GAK: variants seen among roughly 807,000 people sequenced by gnomAD.
GAK encodes cyclin-G-associated kinase.
In GAK, 79 loss-of-function variants were observed where a neutral mutation model predicts 143.9. That is an observed-to-expected ratio of 0.55 (90% CI 0.46 to 0.66). The LOEUF (loss-of-function observed/expected upper bound fraction) is 0.66, where lower values mean the gene tolerates loss of function less well. GAK is among the 30% of genes least tolerant of loss of function. GAK has a pLI of 0.00. For synonymous variants in GAK, 881 were observed against 765.5 expected (o/e 1.15, Z -2.49); for missense variants, 1,693 against 1,779.7 (o/e 0.95, Z 0.88).
intron 7 of GAK, among the ~76,000 whole-genome samples, chr4:896,009 C>T (rs1002702028): frequency 4.6e-5 from 7 of 152,214 alleles, no homozygotes; most frequent in Admixed American, 1.3e-4. Context: ...AGCCTGTAAT[C>T]GCAGCACTTT....
chr4:909,207 A>G (rs2152927947), intron 4 of GAK, among the ~76,000 whole-genome samples: 1 of 152,366 alleles, frequency 6.6e-6, no homozygotes, highest in East Asian at 1.9e-4. Context: ...GAAAACTGAC[A>G]AGTAACACCA....
chr4:883,199 G>C, intron 13 of GAK, 116 bp downstream of exon 13: 1 of 1,231,922 alleles, frequency 8.1e-7, no homozygotes, highest in African/African-American at 1.5e-5. Flanking sequence ...CCCCTCAGGA[G>C]ACCTCCGGCC....
Position 932,061 on chromosome 4 carries a change from G to A in GAK, c.127C>T (p.Arg43Trp). 6.3e-7 allele frequency: 1 copy of A among 1,599,910 alleles called. No individual in the cohort carries two copies. Among genetic ancestry groups the A allele is most frequent in the Non-Finnish European group, 8.5e-7 (1 of 1,174,544 alleles). The change falls in exon 1 of 28, where the codon CGG becomes TGG. Residue 43 changes from arginine to tryptophan, a missense_variant. Arg to Trp is a moderately radical substitution (Grantham distance 101). Transcript: ENST00000314167. The surrounding 1 kb of genome is among the most constrained non-coding windows in gnomAD (Gnocchi z 4.0). Reference protein sequence around the residue: ...VELGELRLRVRRVLAEGGFAF... With the variant: ...VELGELRLRVWRVLAEGGFAF... ...GCCTCACCTTCGGCCAGGACCCGCC[G>A]CACCCGCAGCCGCAGCTCGCCCAGT...
At chr4:865,803 G>A (rs936069079) in intron 22 of GAK, among the ~76,000 whole-genome samples, 10 of 152,368 alleles carry the variant, frequency 6.6e-5, no homozygotes, top group African/African-American at 1.9e-4. Flanking sequence ...CCTCAGGAGA[G>A]AGAACCCAGG....
Position 893,498 on chromosome 4 carries a change from G to A in GAK, c.878-9C>T, listed in dbSNP as rs375781413. 56 of 1,554,056 alleles carry A rather than the reference G, an allele frequency of 3.6e-5. No individual in the cohort carries two copies. In the African/African-American group the frequency reaches 3.7e-4, roughly 10 times the overall value. The stretch of plus-strand genomic sequence containing the variant: ...CACCTGCAGCATGGCGCCTGCAGCA[G>A]AAGCACAGCGCGCTCGGCCCCACGG... On this transcript the variant is annotated splice_polypyrimidine_tract_variant and intron_variant, in intron 8 of 27. Coordinates refer to ENST00000314167, the MANE Select transcript of GAK (RefSeq NM_005255.4).
chr4:931,309 C>T (rs1394661513), intron 1 of GAK, among the ~76,000 whole-genome samples: 1 of 152,172 alleles, frequency 6.6e-6, no homozygotes, highest in Non-Finnish European at 1.5e-5. Flanking sequence ...GCTCTGCTTC[C>T]TGTACTACAC....
intron 19 of GAK, 112 bp downstream of exon 19, chr4:870,599 G>T: frequency 8.2e-6 from 9 of 1,091,710 alleles, no homozygotes; most frequent in African/African-American, 1.6e-5. Context: ...TCAGGGCCTG[G>T]GTGCAGCAGC....
At chr4:914,341 C>T (rs1722623305) in intron 1 of GAK, among the ~76,000 whole-genome samples, 1 of 125,712 alleles carries the variant, frequency 8.0e-6, no homozygotes, top group Non-Finnish European at 1.6e-5. Flanking sequence ...CCCGGCCCCA[C>T]ACAAACACAG....
intron 3 of GAK, 154 bp downstream of exon 3, chr4:912,581 C>T: frequency 1.7e-6 from 1 of 572,706 alleles, no homozygotes; most frequent in South Asian, 2.3e-5. Flanking sequence ...CTAGAAGTCG[C>T]CTACAACTAG....
chr4:881,901 C>A lies in GAK; in HGVS notation c.1661+6G>T. On this transcript the variant is annotated splice_donor_region_variant and intron_variant, in intron 15 of 27. Coordinates refer to ENST00000314167, the MANE Select transcript of GAK (RefSeq NM_005255.4). ...TGTCCCCTGTCCCCGGAGGGCCACG[C>A]AGTACCTTTTGTGGGATGGCCAGAT... 6.3e-7 allele frequency: 1 copy of A among 1,580,832 alleles called. No individual in the cohort carries two copies. Among genetic ancestry groups the A allele is most frequent in the Non-Finnish European group, 8.6e-7 (1 of 1,162,546 alleles).
intron 18 of GAK, among the ~76,000 whole-genome samples, chr4:871,351 C>T (rs1220802083): frequency 6.6e-6 from 1 of 152,234 alleles, no homozygotes; most frequent in Non-Finnish European, 1.5e-5. Flanking sequence ...GGCGCTGGCC[C>T]TCACTACCCA....
intron 4 of GAK, among the ~76,000 whole-genome samples, chr4:911,446 G>A (rs2152934470): frequency 6.6e-6 from 1 of 152,296 alleles, no homozygotes; most frequent in African/African-American, 2.4e-5. Context: ...GCAGCTCCAC[G>A]AGGAGACGAT....
intron 26 of GAK, 60 bp from the exon 27 acceptor site, chr4:850,128 C>T (rs955918443): frequency 1.4e-5 from 20 of 1,464,104 alleles, no homozygotes; most frequent in African/African-American, 5.6e-5. Context: ...TCCTCTGCAC[C>T]GCGGAAACTG....
intron 2 of GAK, 113 bp downstream of exon 2, chr4:913,494 G>T: frequency 1.2e-6 from 1 of 832,138 alleles, no homozygotes; most frequent in Non-Finnish European, 2.1e-6. Flanking sequence ...AGTATGTCCA[G>T]GCTGTAAAAG....
chr4:883,776 C>A (rs772951306), intron 12 of GAK, among the ~76,000 whole-genome samples: 1 of 152,240 alleles, frequency 6.6e-6, no homozygotes. Flanking sequence ...TGGTTTTCCA[C>A]GGACACGGCC....
At chr4:880,916 C>T (rs537610126) in intron 15 of GAK, among the ~76,000 whole-genome samples, 2 of 152,318 alleles carry the variant, frequency 1.3e-5, no homozygotes, top group South Asian at 2.1e-4. Flanking sequence ...CAGGCCCCAC[C>T]GCACCTGGCC....
At chr4:857,013 ACT>A (rs1560282732) in intron 24 of GAK, among the ~76,000 whole-genome samples, 2 of 152,078 alleles carry the variant, frequency 1.3e-5, no homozygotes, top group African/African-American at 4.8e-5. Context: ...TGACCACATG[ACT>A]CTTCAGCCAG....
chr4:852,061 G>A (rs17165089), intron 24 of GAK, 87 bp from the exon 25 acceptor site: 34,593 of 1,140,706 alleles, frequency 0.03, 674 homozygotes, highest in Non-Finnish European at 0.036. Flanking sequence ...CACGTATATT[G>A]GAAAACATGC....
At chr4:892,137 G>A (rs191823092) in intron 9 of GAK, among the ~76,000 whole-genome samples, 5 of 152,302 alleles carry the variant, frequency 3.3e-5, no homozygotes, top group Non-Finnish European at 7.4e-5. Flanking sequence ...CCTGTCCTCA[G>A]ACAGGGACTC....
Sources: allele counts gnomAD v4.1 joint callset (sites outside exome capture counted in the v4.1 genomes callset), GRCh38; gene constraint gnomAD v4.1.1; non-coding constraint Gnocchi (gnomAD v3.1); transcripts MANE v1.5; gene names NCBI Gene and HGNC (gene_info 2026-07-23, HGNC 2026-07-21).